The following CFAP54 variants were observed in gnomAD, a reference collection of about 807,000 sequenced individuals.
CFAP54 encodes the protein cilia- and flagella-associated protein 54.
CFAP54 carries 290 observed loss-of-function variants against 370.4 expected under a neutral mutation model. The ratio of observed to expected loss-of-function variants is 0.78; its 90% CI spans 0.71 to 0.86. CFAP54 has a LOEUF of 0.86. CFAP54 is among the 40% of genes least tolerant of loss of function. The pLI is 0.00. For missense variants in CFAP54, 3,399 were observed against 3,528.7 expected (o/e 0.96, Z 0.93); for synonymous variants, 1,206 against 1,236.5 (o/e 0.98, Z 0.52).
chr12:96,580,461 A>G, intron 20 of CFAP54, 136 bp from the exon 21 acceptor site: 2 of 496,258 alleles, frequency 4.0e-6, no homozygotes, highest in East Asian at 6.5e-5. Flanking sequence ...TTAAAGATTA[A>G]ACCTAAGTAT....
intron 22 of CFAP54, among the ~76,000 whole-genome samples, chr12:96,581,654 C>T (rs1956033978): frequency 6.8e-6 from 1 of 146,928 alleles, no homozygotes; most frequent in South Asian, 2.1e-4. Context: ...TATCTATCTG[C>T]CTATTTATCT....
At chr12:96,630,361 A>G (rs1956593399) in intron 31 of CFAP54, among the ~76,000 whole-genome samples, 157 bp downstream of exon 31, 1 of 146,638 alleles carries the variant, frequency 6.8e-6, no homozygotes, top group Non-Finnish European at 1.5e-5. Context: ...TTAGATTAAC[A>G]TGTAGATATT....
At chr12:96,723,785 GTCATTTAGCATTA>G (rs1166123299) in intron 50 of CFAP54, among the ~76,000 whole-genome samples, 1 of 148,896 alleles carries the variant, frequency 6.7e-6, no homozygotes, top group Non-Finnish European at 1.5e-5. Context: ...CCATTAACTT[GTCATTTAGCATTA>G]GGTATATCTC....
At chr12:96,688,866 G>A (rs1257896337) in intron 42 of CFAP54, 50 bp from the exon 43 acceptor site, 3 of 1,115,924 alleles carry the variant, frequency 2.7e-6, no homozygotes, top group South Asian at 1.4e-5. Flanking sequence ...ATATCAAAAT[G>A]TTTTTGGAAA....
rs746247629 is a variant in CFAP54, at chr12:96,685,149, G to C, written c.5925G>C (p.Pro1975=). ...ATGTCACCAACAGTCATTCACCTCC[G>C]GGTTTCAAAGACTACAGTGAGGAGT... ...LTNVTNSHSP[P]GFKDYSEEFL... Residue 1975 remains proline, a synonymous_variant, in exon 42 of 68, where the codon CCG becomes CCC. Coordinates refer to ENST00000524981, the MANE Select transcript of CFAP54 (RefSeq NM_001306084.2). 1 of 1,614,060 alleles carries C rather than the reference G, an allele frequency of 6.2e-7. No homozygotes were observed. Among genetic ancestry groups the C allele is most frequent in the Non-Finnish European group, 8.5e-7 (1 of 1,179,996 alleles).
chr12:96,794,326 A>G (rs1231166031), intron 63 of CFAP54, among the ~76,000 whole-genome samples: 5 of 152,150 alleles, frequency 3.3e-5, no homozygotes, highest in African/African-American at 1.2e-4. Context: ...GTTTCCTCAA[A>G]TACATTTTCC....
chr12:96,794,688 G>A (rs1395744027), intron 63 of CFAP54, among the ~76,000 whole-genome samples: 1 of 151,950 alleles, frequency 6.6e-6, no homozygotes, highest in African/African-American at 2.4e-5. Flanking sequence ...ACCTTTCTCT[G>A]GTGCCTCCTT....
chr12:96,756,779 CT>C (rs1958263207), intron 57 of CFAP54, among the ~76,000 whole-genome samples: 2 of 152,252 alleles, frequency 1.3e-5, no homozygotes, highest in South Asian at 4.1e-4. Flanking sequence ...GGATATTGGC[CT>C]GTACCCAGAT....
intron 30 of CFAP54, among the ~76,000 whole-genome samples, chr12:96,628,361 C>T (rs991780393): frequency 6.6e-6 from 1 of 152,140 alleles, no homozygotes; most frequent in African/African-American, 2.4e-5. Context: ...TTAATTTATT[C>T]AATGGATGAA....
intron 32 of CFAP54, among the ~76,000 whole-genome samples, chr12:96,639,019 A>C (rs1956694575): frequency 6.6e-6 from 1 of 151,990 alleles, no homozygotes; most frequent in Admixed American, 6.5e-5. Context: ...TTTAATTGTG[A>C]TGTTAGGGTG....
intron 38 of CFAP54, among the ~76,000 whole-genome samples, chr12:96,661,399 A>G (rs1034421928): frequency 5.3e-5 from 8 of 152,210 alleles, no homozygotes; most frequent in Non-Finnish European, 1.2e-4. Flanking sequence ...CTAGCTGGCT[A>G]TCCATCAGAG....
At chr12:96,746,052 G>T (rs1378978751) in intron 55 of CFAP54, among the ~76,000 whole-genome samples, 1 of 152,136 alleles carries the variant, frequency 6.6e-6, no homozygotes, top group Admixed American at 6.5e-5. Context: ...CAGGGGAGGA[G>T]CCTGCCCCTT....
intron 17 of CFAP54, among the ~76,000 whole-genome samples, chr12:96,563,224 A>G (rs1955833976): frequency 6.6e-6 from 1 of 152,156 alleles, no homozygotes; most frequent in Non-Finnish European, 1.5e-5. Context: ...GCAAGACTTG[A>G]GTTCAGATGT....
intron 26 of CFAP54, among the ~76,000 whole-genome samples, chr12:96,602,673 C>T (rs565835325): frequency 7.0e-4 from 106 of 152,112 alleles, no homozygotes; most frequent in African/African-American, 2.3e-3. Flanking sequence ...AGGATAGTTA[C>T]CTCATTTTGT....
Position 96,534,067 on chromosome 12 carries a change from G to A in CFAP54, c.1545G>A (p.Gln515=), listed in dbSNP as rs1955475369. The A allele has an allele frequency of 1.3e-6, 2 of 1,520,630 alleles. No individual in the cohort carries two copies. The highest frequency in any genetic ancestry group is 1.8e-6 in the Non-Finnish European group (2 of 1,140,552). The allele number at this position is 1,520,630 out of a possible 1,614,324, so 94.2% of individuals were successfully genotyped here. The change falls in exon 11 of 68, where the codon CAG becomes CAA. Residue 515 remains glutamine (Q), a synonymous_variant. Transcript: ENST00000524981. ...GTGGGATATACTTCCCCAAGAGGCA[G>A]GATGATCCAGAGTCAAAGAAAGCAG... The part of the protein sequence containing the change: ...AVHLIYFLQR[Q]DDPESKKAEK...
In CFAP54 at chr12:96,628,046, G is replaced by A. The variant is rs574036070; in HGVS notation, c.4103+1107G>A. 2.0e-5 allele frequency among the ~76,000 whole-genome samples: 3 copies of A among 152,306 alleles called. No homozygotes were observed. The South Asian group carries it at 6.2e-4, about 32-fold the overall frequency. On this transcript the variant is annotated intron_variant, in intron 30 of 67. Coordinates refer to ENST00000524981, the MANE Select transcript of CFAP54 (RefSeq NM_001306084.2). Reference sequence around the variant, plus strand: ...ACAGCGTTCAGTATAGTAACATGCTGTATGGGTTTGTAGTCTAGGAGCAAT... The same window carrying A: ...ACAGCGTTCAGTATAGTAACATGCTATATGGGTTTGTAGTCTAGGAGCAAT...
intron 24 of CFAP54, 56 bp downstream of exon 24, chr12:96,592,693 TG>T (rs1416794789): frequency 1.7e-6 from 1 of 587,968 alleles, no homozygotes; most frequent in Non-Finnish European, 2.5e-6. Context: ...TTTTTCTTGA[TG>T]TTTTAAGATC....
chr12:96,636,553 A>T (rs925709644), intron 32 of CFAP54, among the ~76,000 whole-genome samples: 1 of 152,016 alleles, frequency 6.6e-6, no homozygotes, highest in Non-Finnish European at 1.5e-5. Context: ...TCTATTTTTT[A>T]GTCTTTGCAA....
At chr12:96,713,612 ATAAAT>A (rs1226684528) in intron 48 of CFAP54, among the ~76,000 whole-genome samples, 4 of 152,218 alleles carry the variant, frequency 2.6e-5, no homozygotes, top group Non-Finnish European at 5.9e-5. Flanking sequence ...AGAAAAATAC[ATAAAT>A]TAAATGAATA....
Sources: gnomAD v4.1 joint callset for allele counts (sites outside exome capture counted in the v4.1 genomes callset) on GRCh38, gnomAD v4.1.1 for gene constraint, MANE v1.5 for transcripts, NCBI Gene and HGNC (gene_info 2026-07-23, HGNC 2026-07-21) for gene names.